IL1RAPL2: variants seen among roughly 807,000 people sequenced by gnomAD.
IL1RAPL2 encodes the protein X-linked interleukin-1 receptor accessory protein-like 2.
Under a neutral mutation model 44.1 loss-of-function variants are expected in IL1RAPL2, and 3 were observed. That is an observed-to-expected ratio of 0.07 (90% CI 0.03 to 0.18). IL1RAPL2 has a LOEUF of 0.18. Ranked by LOEUF, IL1RAPL2 falls within the 10% of genes least tolerant of loss-of-function variation. IL1RAPL2 has a pLI of 1.00. For missense variants in IL1RAPL2, 391 were observed against 496.4 expected (o/e 0.79, Z 2.02); for synonymous variants, 181 against 178.8 (o/e 1.01, Z -0.10).
intron 2 of IL1RAPL2, among the ~76,000 whole-genome samples, chrX:104,897,783 C>G (rs1206793480): frequency 8.9e-6 from 1 of 111,902 alleles, no homozygotes; most frequent in African/African-American, 3.2e-5. Flanking sequence ...ATTAGAATCA[C>G]CTTGCCCTCC....
intron 6 of IL1RAPL2, among the ~76,000 whole-genome samples, chrX:105,636,524 C>G (rs1391717038): frequency 9.0e-6 from 1 of 111,039 alleles, no homozygotes; most frequent in Non-Finnish European, 1.9e-5. Flanking sequence ...TTTACAACCC[C>G]CCACCCCAGG....
At chrX:104,693,505 C>T (rs1931129145) in intron 2 of IL1RAPL2, among the ~76,000 whole-genome samples, 1 of 111,593 alleles carries the variant, frequency 9.0e-6, no homozygotes, top group Middle Eastern at 4.2e-3. Flanking sequence ...AAGCACTGGC[C>T]AGTACTCAGG....
intron 2 of IL1RAPL2, among the ~76,000 whole-genome samples, chrX:104,697,327 A>G (rs970974630): frequency 8.9e-6 from 1 of 112,507 alleles, no homozygotes; most frequent in Non-Finnish European, 1.9e-5. Flanking sequence ...TGGAGAACAC[A>G]CTGCTCTTGA....
intron 6 of IL1RAPL2, among the ~76,000 whole-genome samples, chrX:105,539,031 A>T (rs2036700097): frequency 9.0e-6 from 1 of 111,588 alleles, no homozygotes; most frequent in African/African-American, 3.3e-5. Flanking sequence ...CTGAAAAAAA[A>T]TCAGAGATGA....
chrX:105,765,385 T>C (rs1327378951), intron 10 of IL1RAPL2: 1 of 112,419 alleles, frequency 8.9e-6, no homozygotes, highest in Non-Finnish European at 1.9e-5. Flanking sequence ...TCAATTACTA[T>C]TTCTGTGGTG....
intron 1 of IL1RAPL2, among the ~76,000 whole-genome samples, chrX:104,655,543 G>C (rs1399908871): frequency 9.0e-6 from 1 of 111,713 alleles, no homozygotes; most frequent in Non-Finnish European, 1.9e-5. Flanking sequence ...TGGTGGATAA[G>C]TTTTTGATGT....
intron 5 of IL1RAPL2, among the ~76,000 whole-genome samples, chrX:105,293,939 A>C (rs909849061): frequency 1.1e-4 from 12 of 112,510 alleles, no homozygotes; most frequent in Non-Finnish European, 1.9e-5. Context: ...GATTTAACTA[A>C]AAGCAGAAAG....
intron 2 of IL1RAPL2, among the ~76,000 whole-genome samples, chrX:104,728,881 T>C (rs931351262): frequency 8.9e-6 from 1 of 111,851 alleles, no homozygotes. Context: ...CAAACTAATA[T>C]AAAATACAAA....
At chrX:105,540,705 A>G (rs1179549492) in intron 6 of IL1RAPL2, among the ~76,000 whole-genome samples, 1 of 100,294 alleles carries the variant, frequency 1.0e-5, no homozygotes, top group Non-Finnish European at 2.0e-5. Flanking sequence ...ATCTCAAAAT[A>G]AAAATTAAAC....
chrX:104,773,502 A>C (rs889519379), intron 2 of IL1RAPL2, among the ~76,000 whole-genome samples: 2 of 111,540 alleles, frequency 1.8e-5, no homozygotes, highest in Non-Finnish European at 3.8e-5. Flanking sequence ...CACCCAGCCC[A>C]CGTGCTTACC....
At chrX:105,030,547 G>A (rs2031470807) in intron 2 of IL1RAPL2, among the ~76,000 whole-genome samples, 1 of 111,838 alleles carries the variant, frequency 8.9e-6, no homozygotes. Context: ...TCAAAGATCA[G>A]ATGGTTGTAG....
intron 2 of IL1RAPL2, among the ~76,000 whole-genome samples, chrX:104,785,293 G>A (rs1932792821): frequency 8.9e-6 from 1 of 112,035 alleles, no homozygotes; most frequent in Admixed American, 9.4e-5. Flanking sequence ...TGGGATTATA[G>A]GCTTGAGTTG....
At chrX:105,373,881 G>T (rs1422275340) in intron 5 of IL1RAPL2, among the ~76,000 whole-genome samples, 1 of 110,096 alleles carries the variant, frequency 9.1e-6, no homozygotes, top group East Asian at 2.9e-4. Flanking sequence ...CACATTGGGA[G>T]GCTGAGGTGG....
chrX:105,076,925 G>T (rs1394064689), intron 2 of IL1RAPL2, among the ~76,000 whole-genome samples: 2 of 110,487 alleles, frequency 1.8e-5, no homozygotes, highest in Non-Finnish European at 3.8e-5. Context: ...TTTATTTTGA[G>T]TCTATGTGTG....
chrX:105,155,418 G>T (rs893383004), intron 2 of IL1RAPL2, among the ~76,000 whole-genome samples: 1 of 110,894 alleles, frequency 9.0e-6, no homozygotes. Flanking sequence ...AGCTTGGGAT[G>T]GAAATGTAAG....
At chrX:105,084,749 T>C (rs1429179587) in intron 2 of IL1RAPL2, among the ~76,000 whole-genome samples, 1 of 111,596 alleles carries the variant, frequency 9.0e-6, no homozygotes, top group Non-Finnish European at 1.9e-5. Flanking sequence ...TTTTGAAATA[T>C]AAAAAGTACA....
At chrX:105,036,803 A>G (rs971506152) in intron 2 of IL1RAPL2, among the ~76,000 whole-genome samples, 1 of 112,099 alleles carries the variant, frequency 8.9e-6, no homozygotes, top group African/African-American at 3.2e-5. Context: ...TAGCCATGAC[A>G]GTGCTTTTGG....
chrX:104,872,376 C>T (rs1922789072), intron 2 of IL1RAPL2, among the ~76,000 whole-genome samples: 1 of 111,549 alleles, frequency 9.0e-6, no homozygotes, highest in African/African-American at 3.3e-5. Context: ...TTTTCAATTT[C>T]ACTAAAACCC....
chrX:105,088,264 C>T (rs1251432723), intron 2 of IL1RAPL2, among the ~76,000 whole-genome samples: 1 of 111,501 alleles, frequency 9.0e-6, no homozygotes, highest in Non-Finnish European at 1.9e-5. Flanking sequence ...ATGAGTAAGA[C>T]TCATGGTGGG....
Sources: allele counts gnomAD v4.1 joint callset (sites outside exome capture counted in the v4.1 genomes callset), GRCh38; gene constraint gnomAD v4.1.1; transcripts MANE v1.5; gene names NCBI Gene and HGNC (gene_info 2026-07-23, HGNC 2026-07-21).